Variants in KLRG1 observed in about 807,000 individuals in gnomAD.
KLRG1 encodes killer cell lectin-like receptor subfamily G member 1.
Under a neutral mutation model 21.8 loss-of-function variants are expected in KLRG1, and 16 were observed. The ratio of observed to expected loss-of-function variants is 0.73; its 90% CI spans 0.50 to 1.11. The LOEUF (loss-of-function observed/expected upper bound fraction) is 1.11, where lower values mean the gene tolerates loss of function less well. Among genes scored for constraint, KLRG1 ranks in the 50% most tolerant of loss-of-function variants. The pLI is 0.00. For missense variants in KLRG1, 173 were observed against 218.3 expected (o/e 0.79, Z 1.31); for synonymous variants, 69 against 75.9 (o/e 0.91, Z 0.47).
the KLRG1 span, among the ~76,000 whole-genome samples, chr12:9,210,538 C>T: frequency 0.021 from 3,254 of 152,240 alleles, 40 homozygotes; most frequent in African/African-American, 0.029. Flanking sequence ...AGAATTGCCC[C>T]TTTGGGTTGC....
At chr12:9,031,761 G>A in the KLRG1 span, among the ~76,000 whole-genome samples, 5 of 152,206 alleles carry the variant, frequency 3.3e-5, no homozygotes, top group South Asian at 4.1e-4. Flanking sequence ...GTTTCGCTCA[G>A]AAAGGTGGGA....
chr12:8,964,779 A>G (rs1165685100), intron 1 of KLRG1, among the ~76,000 whole-genome samples: 1 of 149,972 alleles, frequency 6.7e-6, no homozygotes, highest in African/African-American at 2.5e-5. Context: ...TGATCCCTTT[A>G]CCATTATGTA....
chr12:9,164,889 AG>A, the KLRG1 span, among the ~76,000 whole-genome samples: 1 of 152,224 alleles, frequency 6.6e-6, no homozygotes, highest in Non-Finnish European at 1.5e-5. Context: ...CTTGCAGCAA[AG>A]AATTCTGCAA....
At chr12:9,200,592 G>A in the KLRG1 span, 231 of 713,698 alleles carry the variant, frequency 3.2e-4, no homozygotes, top group Non-Finnish European at 4.6e-4. Flanking sequence ...AAGATGGTAA[G>A]GTTTAACAAT....
At chr12:8,972,616 A>G (rs1022322060) in intron 1 of KLRG1, among the ~76,000 whole-genome samples, 1 of 152,144 alleles carries the variant, frequency 6.6e-6, no homozygotes, top group African/African-American at 2.4e-5. Context: ...AGATCATTTA[A>G]CTGTAAATAC....
chr12:9,202,279 A>G, the KLRG1 span: 15 of 1,534,828 alleles, frequency 9.8e-6, 1 homozygote, highest in South Asian at 1.7e-4. Flanking sequence ...GAGTATTCCC[A>G]CTCTACCCAC....
chr12:9,189,239 C>T, the KLRG1 span, among the ~76,000 whole-genome samples: 1 of 152,232 alleles, frequency 6.6e-6, no homozygotes, highest in East Asian at 1.9e-4. Flanking sequence ...CACCACCCAA[C>T]TTCAAACTAT....
chr12:9,176,444 C>T, the KLRG1 span, among the ~76,000 whole-genome samples: 1 of 152,000 alleles, frequency 6.6e-6, no homozygotes, highest in African/African-American at 2.4e-5. Context: ...CACTTGTACC[C>T]CTGAAGTTAA....
At chr12:9,171,423 G>A in the KLRG1 span, among the ~76,000 whole-genome samples, 1,048 of 152,298 alleles carry the variant, frequency 6.9e-3, 13 homozygotes, top group African/African-American at 0.024. Flanking sequence ...CAAAAACAAC[G>A]AAAACTCAAA....
At chr12:9,192,328 C>T in the KLRG1 span, 2 of 1,463,624 alleles carry the variant, frequency 1.4e-6, no homozygotes, top group Admixed American at 3.4e-5. Context: ...CCCCACATGA[C>T]CCACTTTCAG....
chr12:9,140,949 CAG>C, the KLRG1 span, among the ~76,000 whole-genome samples: 1 of 152,134 alleles, frequency 6.6e-6, no homozygotes, highest in African/African-American at 2.4e-5. Flanking sequence ...CAAAATAAAA[CAG>C]ATTCTTATTG....
the KLRG1 span, chr12:9,069,907 A>C: frequency 9.6e-7 from 1 of 1,036,740 alleles, no homozygotes; most frequent in Middle Eastern, 2.1e-4. Context: ...AATAACCCTG[A>C]GGGTAGAATT....
At chr12:9,079,629 A>C in the KLRG1 span, 1 of 1,607,820 alleles carries the variant, frequency 6.2e-7, no homozygotes, top group Non-Finnish European at 8.5e-7. Flanking sequence ...TTACTCAAGT[A>C]ATCACTCACC....
At chr12:9,024,737 C>G in the KLRG1 span, among the ~76,000 whole-genome samples, 1 of 152,214 alleles carries the variant, frequency 6.6e-6, no homozygotes. Flanking sequence ...ATGATGACTT[C>G]ACCCCTGGTT....
chr12:9,188,040 G>A, the KLRG1 span, among the ~76,000 whole-genome samples: 9 of 152,214 alleles, frequency 5.9e-5, no homozygotes, highest in South Asian at 1.2e-3. Context: ...CTGGCCAAAC[G>A]TCCTTGATGA....
At chr12:9,036,741 T>C in the KLRG1 span, 1 of 335,048 alleles carries the variant, frequency 3.0e-6, no homozygotes, top group South Asian at 3.1e-5. Flanking sequence ...CAAGAGGGAC[T>C]GCATAAACCT....
At chr12:9,163,224 G>T in the KLRG1 span, among the ~76,000 whole-genome samples, 1 of 151,060 alleles carries the variant, frequency 6.6e-6, no homozygotes, top group African/African-American at 2.4e-5. Context: ...AGGCCGAGAA[G>T]GGAGGATCAC....
the KLRG1 span, chr12:9,182,218 G>C: frequency 4.4e-6 from 5 of 1,132,270 alleles, no homozygotes; most frequent in African/African-American, 7.9e-5. Context: ...ATCCACTTGA[G>C]AACTGCGTCC....
At chr12:9,095,113 A>AAATGTATATTTTAT in the KLRG1 span, 1 of 1,147,664 alleles carries the variant, frequency 8.7e-7, no homozygotes, top group Non-Finnish European at 1.2e-6. Flanking sequence ...TCTAATCAGT[A>AAATGTATATTTTAT]AATATATATT....
Sources: gnomAD v4.1 joint callset for allele counts (sites outside exome capture counted in the v4.1 genomes callset) on GRCh38, gnomAD v4.1.1 for gene constraint, MANE v1.5 for transcripts, NCBI Gene and HGNC (gene_info 2026-07-23, HGNC 2026-07-21) for gene names.